The following CD44 variants were observed in gnomAD, a reference collection of about 807,000 sequenced individuals.
The protein encoded by CD44 is CD44 antigen.
A neutral mutation model predicts 88.8 loss-of-function variants in CD44; 49 were observed. The observed-to-expected ratio is 0.55, with a 90% CI of 0.44 to 0.70. The LOEUF (loss-of-function observed/expected upper bound fraction) is 0.70. CD44 is among the 30% of genes least tolerant of loss of function. CD44 has a pLI of 0.00. For missense variants in CD44, 883 were observed against 913.8 expected (o/e 0.97, Z 0.43); for synonymous variants, 325 against 312.3 (o/e 1.04, Z -0.43).
At chr11:35,207,692 T>A (rs951437800) in intron 11 of CD44, among the ~76,000 whole-genome samples, 1 of 152,200 alleles carries the variant, frequency 6.6e-6, no homozygotes, top group African/African-American at 2.4e-5. Context: ...GGGCTATTTT[T>A]AAAAGTCCCT....
rs1949984465 is a variant in CD44 at position 35,230,114 on chromosome 11, ACT to A, written c.*784_*785del. 6.6e-6 allele frequency: 1 copy of A among 151,704 alleles called. No homozygotes were observed. Among genetic ancestry groups the A allele is most frequent in the African/African-American group, 2.4e-5 (1 of 41,252 alleles). 9.4% of individuals were successfully genotyped at this position (151,704 alleles called of 1,614,324 possible). A position where few individuals can be genotyped will look rare whatever the true frequency, so the allele number is the denominator to read the frequency against. The stretch of plus-strand genomic sequence containing the variant: ...AGGAAGAGCTGAGAATGGTAAGGAG[ACT>A]CTTCTAAGTCTTCATCTCAGAGACC... On this transcript the variant is annotated 3_prime_UTR_variant, in exon 18 of 18. Transcript: ENST00000428726.
chr11:35,151,060 A>T (rs1158105894), intron 1 of CD44, among the ~76,000 whole-genome samples: 1 of 152,222 alleles, frequency 6.6e-6, no homozygotes, highest in East Asian at 1.9e-4. Context: ...TCTCGATTGC[A>T]TGTGAAGGCT....
Position 35,208,127 on chromosome 11 carries a change from A to C in CD44, c.1437A>C (p.Ile479=), listed in dbSNP as rs1831490776. 6.2e-7 allele frequency: 1 copy of C among 1,610,066 alleles called. No homozygotes were observed. Among genetic ancestry groups the C allele is most frequent in the African/African-American group, 1.3e-5 (1 of 74,828 alleles). The part of the protein sequence containing the change: ...RRMDMDSSHS[I]TLQPTANPNT... ...CAGATATGGACTCCAGTCATAGTAT[A>C]ACGCTTCAGCCTACTGCAAATCCAA... The change falls in exon 12 of 18, where the codon ATA becomes ATC. Residue 479 remains isoleucine, a synonymous_variant. Transcript: ENST00000428726.
chr11:35,182,308 A>G (rs1238002677), intron 3 of CD44, among the ~76,000 whole-genome samples: 1 of 152,030 alleles, frequency 6.6e-6, no homozygotes, highest in Non-Finnish European at 1.5e-5. Flanking sequence ...GTGGAAATTC[A>G]GAGAAGAAAT....
rs369487565 is a variant in CD44 at position 35,189,855 on chromosome 11, A to G, written c.457A>G (p.Thr153Ala). ...CCCAGCTATTGTTAACCGTGATGGC[A>G]CCCGCTATGTCCAGAAAGGAGAATA... ...ITITIVNRDGTRYVQKGEYRT... is the reference protein window; with the variant it reads ...ITITIVNRDGARYVQKGEYRT... Residue 153 changes from threonine to alanine, a missense_variant, in exon 5 of 18, where the codon ACC becomes GCC. Coordinates refer to ENST00000428726, the MANE Select transcript of CD44 (RefSeq NM_000610.4). The G allele has an allele frequency of 1.9e-6, 3 of 1,613,778 alleles. No homozygotes were observed. Among genetic ancestry groups the G allele is most frequent in the Non-Finnish European group, 2.5e-6 (3 of 1,179,788 alleles).
chr11:35,196,650 C>A (rs1331060742), intron 5 of CD44, 96 bp from the exon 6 acceptor site: 7 of 1,297,982 alleles, frequency 5.4e-6, no homozygotes, highest in East Asian at 2.4e-5. Context: ...ATAGATGATT[C>A]TCTTGAGTAG....
rs1942568142 is a variant in CD44 at position 35,161,298 on chromosome 11, A to G, written c.68-15277A>G. Among the ~76,000 whole-genome samples, 4 of 152,198 alleles carry G rather than the reference A, an allele frequency of 2.6e-5. No homozygotes were observed. In the South Asian group the frequency reaches 8.3e-4, roughly 31 times the overall value. ...TTACTTTTATTTTACTGATGAAGAG[A>G]CTGAGGCTTAAAGGTTAAGAAAACA... On this transcript the variant is annotated intron_variant, in intron 1 of 17. Transcript: ENST00000428726.
intron 2 of CD44, 92 bp from the exon 3 acceptor site, chr11:35,180,182 G>A: frequency 1.5e-6 from 2 of 1,292,198 alleles, no homozygotes; most frequent in Admixed American, 1.8e-5. Flanking sequence ...ACTGAATGAA[G>A]TGTTGCACGG....
chr11:35,226,344 C>G (rs912290217), intron 17 of CD44, among the ~76,000 whole-genome samples: 3 of 152,210 alleles, frequency 2.0e-5, no homozygotes, highest in African/African-American at 7.2e-5. Flanking sequence ...CATCCCTCAA[C>G]CACCCATTGG....
chr11:35,210,516 T>C (rs529818443), intron 13 of CD44: 1 of 152,416 alleles, frequency 6.6e-6, no homozygotes, highest in East Asian at 1.9e-4. Context: ...AATTTCATTA[T>C]TTACCCAGAA....
chr11:35,223,432 G>A (rs372026102), intron 17 of CD44: 10 of 290,374 alleles, frequency 3.4e-5, no homozygotes, highest in African/African-American at 2.3e-4. Flanking sequence ...CATGGATGCT[G>A]TCGACATTTA....
At chr11:35,195,589 A>G (rs1946661266) in intron 5 of CD44, among the ~76,000 whole-genome samples, 1 of 151,844 alleles carries the variant, frequency 6.6e-6, no homozygotes, top group African/African-American at 2.4e-5. Context: ...AATCTAACTC[A>G]CCTTACTATT....
At chr11:35,191,840 C>T (rs1043742784) in intron 5 of CD44, among the ~76,000 whole-genome samples, 8 of 152,266 alleles carry the variant, frequency 5.3e-5, no homozygotes, top group Non-Finnish European at 1.2e-4. Flanking sequence ...AGTCAGCAAA[C>T]GTATTTTGAG....
intron 17 of CD44, chr11:35,222,599 A>T (rs891886712): frequency 1.1e-4 from 24 of 213,664 alleles, no homozygotes; most frequent in Middle Eastern, 2.5e-3. Context: ...TTTATATATA[A>T]TATATATATA....
intron 16 of CD44, 34 bp downstream of exon 16, chr11:35,219,421 T>C (rs1049617721): frequency 2.0e-6 from 3 of 1,491,526 alleles, no homozygotes; most frequent in Non-Finnish European, 2.8e-6. Context: ...AAAAACACAC[T>C]GAAAGCAGCT....
chr11:35,170,509 C>T (rs772389471), intron 1 of CD44, among the ~76,000 whole-genome samples: 12 of 152,158 alleles, frequency 7.9e-5, no homozygotes, highest in South Asian at 2.1e-4. Context: ...ATTTCTACCA[C>T]GGGAAGTCTC....
chr11:35,197,904 G>T, intron 6 of CD44: 1 of 489,992 alleles, frequency 2.0e-6, no homozygotes, highest in Non-Finnish European at 3.6e-6. Context: ...CTTTCTTAAA[G>T]AGAATATTCA....
intron 13 of CD44, chr11:35,210,471 T>C (rs1948289158): frequency 6.6e-6 from 1 of 152,476 alleles, no homozygotes; most frequent in Admixed American, 6.5e-5. Context: ...ATCTTTGTTC[T>C]TATTAGTTTC....
rs372756436 is a variant in CD44, at chr11:35,196,749, T to C, written c.671T>C (p.Leu224Ser). The change falls in exon 6 of 18, where the codon TTG (leucine) becomes TCG (serine). Residue 224 changes from leucine (L) to serine (S), a missense_variant. Leu to Ser is a moderately radical substitution (Grantham distance 145, BLOSUM62 -2). This residue lies in a region of CD44 where 252 missense variants were observed against 322.9 expected (regional missense o/e 0.78). Transcript: ENST00000428726. ...DSTDRIPATTLMSTSATATET... is the reference protein window; with the variant it reads ...DSTDRIPATTSMSTSATATET... ...AATTCAATCATGATTACAACAGCTT[T>C]GATGAGCACTAGTGCTACAGCAACT... The C allele has an allele frequency of 1.2e-6, 2 of 1,613,566 alleles. No homozygotes were observed. The highest frequency in any genetic ancestry group is 1.3e-5 in the African/African-American group (1 of 74,908).
Sources: allele counts gnomAD v4.1 joint callset (sites outside exome capture counted in the v4.1 genomes callset), GRCh38; gene constraint gnomAD v4.1.1; regional missense constraint gnomAD v4.1.1; transcripts MANE v1.5; gene names NCBI Gene and HGNC (gene_info 2026-07-23, HGNC 2026-07-21).